The following CHST11 variants were observed in gnomAD, a reference collection of about 807,000 sequenced individuals.
CHST11 encodes C4S-1.
Under a neutral mutation model 30.4 loss-of-function variants are expected in CHST11, and 9 were observed. The observed-to-expected ratio is 0.30, with a 90% CI of 0.18 to 0.52. The LOEUF is 0.52. Ranked by LOEUF, CHST11 falls within the 20% of genes least tolerant of loss-of-function variation. The pLI is 0.97. For missense variants in CHST11, 348 were observed against 460.6 expected (o/e 0.76, Z 2.24); for synonymous variants, 152 against 187.8 (o/e 0.81, Z 1.56).
chr12:104,649,562 G>C (rs1046534990), intron 2 of CHST11, among the ~76,000 whole-genome samples: 4 of 152,184 alleles, frequency 2.6e-5, no homozygotes, highest in African/African-American at 9.7e-5. Context: ...TCTAAAAGCA[G>C]TCTAGACCAA....
intron 2 of CHST11, among the ~76,000 whole-genome samples, chr12:104,730,652 C>T (rs911121207): frequency 2.1e-5 from 3 of 140,836 alleles, no homozygotes; most frequent in Admixed American, 1.4e-4. Flanking sequence ...AATGGGAAGG[C>T]GAGAGGACAT....
chr12:104,707,284 CAG>C (rs1293705275), intron 2 of CHST11, among the ~76,000 whole-genome samples: 1 of 152,220 alleles, frequency 6.6e-6, no homozygotes, highest in Non-Finnish European at 1.5e-5. Context: ...CCCCTTCCTA[CAG>C]AGTCGGGGCA....
chr12:104,465,062 G>A (rs1000012085), intron 1 of CHST11, among the ~76,000 whole-genome samples: 6 of 152,176 alleles, frequency 3.9e-5, no homozygotes, highest in Non-Finnish European at 5.9e-5. Flanking sequence ...CCATCAAATA[G>A]CAGTGTGCCT....
At chr12:104,574,422 T>C (rs1012906916) in intron 1 of CHST11, among the ~76,000 whole-genome samples, 1 of 152,222 alleles carries the variant, frequency 6.6e-6, no homozygotes, top group Non-Finnish European at 1.5e-5. Flanking sequence ...ATGTTAATTG[T>C]GGCACTATTC....
At chr12:104,730,263 C>G (rs1387540826) in intron 2 of CHST11, among the ~76,000 whole-genome samples, 1 of 152,260 alleles carries the variant, frequency 6.6e-6, no homozygotes, top group Non-Finnish European at 1.5e-5. Context: ...TAATTAACCT[C>G]TCTGTTCACA....
At chr12:104,523,694 C>G (rs149258593) in intron 1 of CHST11, among the ~76,000 whole-genome samples, 2,344 of 152,288 alleles carry the variant, frequency 0.015, 32 homozygotes, top group Middle Eastern at 0.031. Context: ...AGCAGCCTCA[C>G]CCTTACTGTA....
intron 1 of CHST11, among the ~76,000 whole-genome samples, chr12:104,599,457 C>A (rs1340756291): frequency 6.6e-6 from 1 of 152,168 alleles, no homozygotes; most frequent in South Asian, 2.1e-4. Context: ...AGTTTTATGG[C>A]TGTTTTTACT....
At chr12:104,695,465 GTGTGTGTGTATGTGTCCTTGTGGTTTGC>G (rs899760032) in intron 2 of CHST11, among the ~76,000 whole-genome samples, 1 of 151,850 alleles carries the variant, frequency 6.6e-6, no homozygotes, top group African/African-American at 2.4e-5. Context: ...GTGTGTGTGT[GTGTGTGTGTATGTGTCCTTGTGGTTTGC>G]TTATTGAACA....
At chr12:104,717,138 G>C (rs2040137474) in intron 2 of CHST11, among the ~76,000 whole-genome samples, 1 of 152,218 alleles carries the variant, frequency 6.6e-6, no homozygotes, top group South Asian at 2.1e-4. Flanking sequence ...CAGATGATTA[G>C]TAGCCTTAAT....
intron 2 of CHST11, among the ~76,000 whole-genome samples, chr12:104,629,777 G>A (rs938770378): frequency 1.3e-5 from 2 of 152,190 alleles, no homozygotes; most frequent in Non-Finnish European, 1.5e-5. Flanking sequence ...AGCTGAGGTC[G>A]CGGCACTGCA....
At chr12:104,743,241 AC>A (rs1335815199) in intron 2 of CHST11, among the ~76,000 whole-genome samples, 1 of 152,266 alleles carries the variant, frequency 6.6e-6, no homozygotes, top group African/African-American at 2.4e-5. Context: ...GGAGATAAGT[AC>A]TACAAAGAAA....
chr12:104,625,030 A>G (rs1013984061), intron 2 of CHST11, among the ~76,000 whole-genome samples: 1 of 152,238 alleles, frequency 6.6e-6, no homozygotes, highest in African/African-American at 2.4e-5. Context: ...ATACAGTCAC[A>G]TTGGAGGATA....
At chr12:104,646,703 G>A (rs2694416) in intron 2 of CHST11, among the ~76,000 whole-genome samples, 24,086 of 152,082 alleles carry the variant, frequency 0.16, 2,026 homozygotes, top group Non-Finnish European at 0.17. Flanking sequence ...GTCTCAAAAA[G>A]ACAAAATAAC....
chr12:104,514,018 A>C, intron 1 of CHST11: 1 of 779,786 alleles, frequency 1.3e-6, no homozygotes, highest in Non-Finnish European at 2.3e-6. Context: ...GTGGGAGTGC[A>C]GACTTAAAAA....
intron 2 of CHST11, among the ~76,000 whole-genome samples, chr12:104,691,768 G>A (rs539582306): frequency 1.3e-5 from 2 of 152,306 alleles, no homozygotes; most frequent in Admixed American, 6.5e-5. Flanking sequence ...GATTATGGGC[G>A]TGAGCCACCG....
At chr12:104,521,872 T>C (rs1291621936) in intron 1 of CHST11, among the ~76,000 whole-genome samples, 1 of 152,156 alleles carries the variant, frequency 6.6e-6, no homozygotes, top group Non-Finnish European at 1.5e-5. Flanking sequence ...TTATCCCCGC[T>C]CATGGCTGCT....
intron 1 of CHST11, among the ~76,000 whole-genome samples, chr12:104,562,911 T>C (rs2038527264): frequency 6.7e-6 from 1 of 148,552 alleles, no homozygotes; most frequent in African/African-American, 2.5e-5. Context: ...TAAAGGGGCA[T>C]TCTTGATTCT....
chr12:104,636,014 T>C (rs2136071171), intron 2 of CHST11, among the ~76,000 whole-genome samples: 1 of 152,340 alleles, frequency 6.6e-6, no homozygotes, highest in South Asian at 2.1e-4. Context: ...AATTAACATT[T>C]ACAGAGTGTA....
intron 1 of CHST11, among the ~76,000 whole-genome samples, chr12:104,484,434 C>T (rs1027504780): frequency 6.6e-6 from 1 of 152,200 alleles, no homozygotes; most frequent in Non-Finnish European, 1.5e-5. Flanking sequence ...TTCATTTATT[C>T]ATTAAATAGT....
Sources: gnomAD v4.1 joint callset for allele counts (sites outside exome capture counted in the v4.1 genomes callset) on GRCh38, gnomAD v4.1.1 for gene constraint, MANE v1.5 for transcripts, NCBI Gene and HGNC (gene_info 2026-07-23, HGNC 2026-07-21) for gene names.